Variants in CACNA1C observed in about 807,000 individuals in gnomAD.
The protein encoded by CACNA1C is calcium voltage-gated channel subunit alpha1 C.
Under a neutral mutation model 229.0 loss-of-function variants are expected in CACNA1C, and 30 were observed. The ratio of observed to expected loss-of-function variants is 0.13; its 90% CI spans 0.10 to 0.18. CACNA1C has a LOEUF of 0.18. Ranked by LOEUF, CACNA1C falls within the 10% of genes least tolerant of loss-of-function variation. The probability of loss-of-function intolerance (pLI) is 1.00; values close to 1 mark genes in which losing one functional copy is unlikely to be tolerated. For synonymous variants in CACNA1C, 1,114 were observed against 1,132.5 expected (o/e 0.98, Z 0.33); for missense variants, 1,658 against 2,845.0 (o/e 0.58, Z 9.49).
At chr12:2,126,968 C>G (rs536972673) in intron 3 of CACNA1C, among the ~76,000 whole-genome samples, 23 of 152,310 alleles carry the variant, frequency 1.5e-4, no homozygotes, top group Non-Finnish European at 2.6e-4. Context: ...AAAGAAGAGA[C>G]CAAAACGCTG....
chr12:2,109,552 A>G (rs1302957865), intron 1 of CACNA1C, among the ~76,000 whole-genome samples: 1 of 152,206 alleles, frequency 6.6e-6, no homozygotes, highest in Non-Finnish European at 1.5e-5. Flanking sequence ...AACTCAGAGA[A>G]GTGGGCCAGG....
intron 1 of CACNA1C, among the ~76,000 whole-genome samples, chr12:2,047,735 T>G (rs1019293211): frequency 4.6e-5 from 7 of 151,342 alleles, no homozygotes; most frequent in Non-Finnish European, 1.0e-4. Context: ...CCACCGTGAG[T>G]GATGTGGAGG....
At chr12:2,547,591 GTC>G (rs1322834781) in intron 9 of CACNA1C, 1 of 764,700 alleles carries the variant, frequency 1.3e-6, no homozygotes, top group Non-Finnish European at 2.4e-6. Flanking sequence ...ATGGGAAGGT[GTC>G]TCTCTTGATG....
intron 13 of CACNA1C, among the ~76,000 whole-genome samples, chr12:2,572,794 C>CCTCCTCTCCTCCTT (rs1396925937): frequency 5.2e-5 from 7 of 134,682 alleles, no homozygotes; most frequent in African/African-American, 1.1e-4. Flanking sequence ...TCCTCCTCCT[C>CCTCCTCTCCTCCTT]CTCCTCTCCT....
chr12:2,667,862 C>T (rs1236005891), intron 37 of CACNA1C, among the ~76,000 whole-genome samples: 1 of 152,174 alleles, frequency 6.6e-6, no homozygotes, highest in African/African-American at 2.4e-5. Flanking sequence ...CAAATAGCCC[C>T]CCTTGAGCAT....
intron 19 of CACNA1C, among the ~76,000 whole-genome samples, chr12:2,594,756 T>C (rs1308269449): frequency 2.6e-5 from 4 of 152,212 alleles, no homozygotes; most frequent in Non-Finnish European, 5.9e-5. Flanking sequence ...TGATCTTTGA[T>C]TGTGACCCCA....
intron 1 of CACNA1C, among the ~76,000 whole-genome samples, chr12:2,114,713 G>A (rs895055895): frequency 2.6e-5 from 4 of 152,094 alleles, no homozygotes; most frequent in African/African-American, 9.7e-5. Flanking sequence ...CCAGTTCATT[G>A]TACGTTTTCC....
chr12:2,451,366 A>G (rs1404507249), intron 4 of CACNA1C, among the ~76,000 whole-genome samples: 1 of 152,208 alleles, frequency 6.6e-6, no homozygotes, highest in African/African-American at 2.4e-5. Flanking sequence ...TGCATAGAAA[A>G]GAGCCTTGGG....
intron 3 of CACNA1C, among the ~76,000 whole-genome samples, chr12:2,317,866 A>G (rs1411977913): frequency 2.0e-5 from 3 of 152,294 alleles, no homozygotes; most frequent in Non-Finnish European, 2.9e-5. Context: ...CCTTCATTTC[A>G]TAATCACACT....
intron 3 of CACNA1C, among the ~76,000 whole-genome samples, chr12:2,389,324 T>G (rs369244301): frequency 7.2e-5 from 11 of 152,172 alleles, no homozygotes; most frequent in African/African-American, 2.6e-4. Context: ...CAGAGCACAC[T>G]GTGCCAAGCA....
chr12:1,970,815 G>A (rs563213794), upstream of CACNA1C: 153 of 271,954 alleles, frequency 5.6e-4, no homozygotes, highest in African/African-American at 3.2e-3. Context: ...CAGGGAAGAC[G>A]AAAATACAAG....
chr12:2,164,176 C>T (rs1222823695), intron 3 of CACNA1C, among the ~76,000 whole-genome samples: 1 of 152,174 alleles, frequency 6.6e-6, no homozygotes, highest in East Asian at 1.9e-4. Flanking sequence ...TTAAGAATAT[C>T]CCCTTGCACC....
At chr12:2,519,391 G>A (rs2099805117) in intron 9 of CACNA1C, among the ~76,000 whole-genome samples, 1 of 152,192 alleles carries the variant, frequency 6.6e-6, no homozygotes, top group African/African-American at 2.4e-5. Flanking sequence ...CACTGCCCCT[G>A]GACTGAGTTG....
Position 2,646,030 on chromosome 12 carries a change from C to T in CACNA1C, c.3913-2445C>T, listed in dbSNP as rs2094321760. Among the ~76,000 whole-genome samples the T allele has an allele frequency of 6.6e-6, 1 of 152,098 alleles. No individual in the cohort carries two copies. Among genetic ancestry groups the T allele is most frequent in the African/African-American group, 2.4e-5 (1 of 41,412 alleles). On this transcript the variant is annotated intron_variant, in intron 30 of 46. Transcript: ENST00000399655. This position sits in a 1 kb window ranked among gnomAD's most constrained non-coding sequence, Gnocchi z 4.6. ...GCTGCTCCTGACTTTCTCTTGTCTGCCATTATAGAGACATGCCATAGGAAA... is the reference window on the plus strand; with the variant it reads ...GCTGCTCCTGACTTTCTCTTGTCTGTCATTATAGAGACATGCCATAGGAAA...
intron 1 of CACNA1C, among the ~76,000 whole-genome samples, chr12:1,981,859 G>A (rs946841931): frequency 6.6e-6 from 1 of 152,150 alleles, no homozygotes; most frequent in Non-Finnish European, 1.5e-5. Flanking sequence ...ATGAGGGAGA[G>A]AATTTAAGGA....
intron 3 of CACNA1C, among the ~76,000 whole-genome samples, chr12:2,360,156 ACCCCCCCCCACCC>A (rs1168471975): frequency 1.8e-5 from 1 of 57,020 alleles, no homozygotes; most frequent in African/African-American, 7.3e-5. Flanking sequence ...AACACACCCC[ACCCCCCCCCACCC>A]CCCCACCCCA....
intron 3 of CACNA1C, among the ~76,000 whole-genome samples, chr12:2,268,360 G>T (rs1423342729): frequency 4.6e-5 from 7 of 152,356 alleles, no homozygotes; most frequent in Middle Eastern, 6.8e-3. Flanking sequence ...ACCACACGGG[G>T]CTCTGGCATG....
At chr12:2,156,572 C>T (rs1392974869) in intron 3 of CACNA1C, among the ~76,000 whole-genome samples, 1 of 152,234 alleles carries the variant, frequency 6.6e-6, no homozygotes, top group Non-Finnish European at 1.5e-5. Flanking sequence ...CAGCTGCAAC[C>T]AGTTGCTTAC....
At chr12:1,972,659 C>T (rs1402266016) in intron 1 of CACNA1C, among the ~76,000 whole-genome samples, 1 of 152,170 alleles carries the variant, frequency 6.6e-6, no homozygotes, top group Non-Finnish European at 1.5e-5. Context: ...GCCCTTCTCC[C>T]AGCCTTTCAA....
Sources: gnomAD v4.1 joint callset for allele counts (sites outside exome capture counted in the v4.1 genomes callset) on GRCh38, gnomAD v4.1.1 for gene constraint, Gnocchi (gnomAD v3.1) non-coding constraint, MANE v1.5 for transcripts, NCBI Gene and HGNC (gene_info 2026-07-23, HGNC 2026-07-21) for gene names.